TCF12: variants seen among roughly 807,000 people sequenced by gnomAD.
TCF12 encodes DNA-binding protein HTF4.
A neutral mutation model predicts 86.0 loss-of-function variants in TCF12; 45 were observed. The ratio of observed to expected loss-of-function variants is 0.52; its 90% CI spans 0.41 to 0.67. The LOEUF (loss-of-function observed/expected upper bound fraction) is 0.67, where lower values mean the gene tolerates loss of function less well. Ranked by LOEUF, TCF12 falls within the 30% of genes least tolerant of loss-of-function variation. The pLI is 0.00. For missense variants in TCF12, 881 were observed against 859.9 expected, an observed-to-expected ratio of 1.02 and a Z score of -0.31; for synonymous variants, 330 against 299.6, an observed-to-expected ratio of 1.10 and a Z score of -1.05.
Position 57,273,156 on chromosome 15 carries a change from T to C in TCF12, c.1872T>C (p.Leu624=). ...VRDINEAFKE[L]GRMCQLHLKS... is the part of the protein sequence containing the mutation. ...ATATTAATGAAGCATTCAAAGAGCT[T>C]GGCCGAATGTGTCAGCTTCACTTGA... is the stretch of plus-strand genomic sequence containing the variant. Residue 624 remains leucine, a synonymous_variant, in exon 19 of 21, where the codon CTT becomes CTC. Transcript: ENST00000333725. 2.5e-6 allele frequency: 4 copies of C among 1,614,220 alleles called. No homozygotes were observed. The highest frequency in any genetic ancestry group is 3.4e-6 in the Non-Finnish European group (4 of 1,180,040).
intron 5 of TCF12, among the ~76,000 whole-genome samples, chr15:57,105,901 A>G (rs777074641): frequency 6.6e-6 from 1 of 152,222 alleles, no homozygotes; most frequent in Non-Finnish European, 1.5e-5. Flanking sequence ...TATGTTCGTT[A>G]TAAGGGGTAT....
In TCF12 at chr15:57,054,777, T is replaced by C. The variant is rs1474473211; in HGVS notation, c.149-8973T>C. On this transcript the variant is annotated intron_variant, in intron 3 of 20. Transcript: ENST00000333725. ...GGCTTTTTTGCAATGCCTCTGCTTT[T>C]TTTTTTTTTTTTTTTTTTTTTTTTT... Among the ~76,000 whole-genome samples the C allele has an allele frequency of 3.3e-5, 4 of 121,226 alleles. No homozygotes were observed. In the Admixed American group the frequency reaches 3.8e-4, roughly 12 times the overall value. 79.5% of individuals were successfully genotyped at this position (121,226 alleles called of 152,430 possible).
intron 6 of TCF12, among the ~76,000 whole-genome samples, chr15:57,166,706 G>A (rs1329087416): frequency 2.0e-5 from 3 of 152,090 alleles, no homozygotes; most frequent in African/African-American, 7.2e-5. Flanking sequence ...CAAAGCTACC[G>A]CTTTCCAAAA....
At chr15:56,993,920 A>G (rs1009483723) in intron 3 of TCF12, among the ~76,000 whole-genome samples, 1 of 152,260 alleles carries the variant, frequency 6.6e-6, no homozygotes, top group African/African-American at 2.4e-5. Flanking sequence ...GGTGATCAAC[A>G]TATACCATCA....
chr15:56,968,104 G>A (rs1395270480), intron 3 of TCF12, among the ~76,000 whole-genome samples: 1 of 151,964 alleles, frequency 6.6e-6, no homozygotes, highest in African/African-American at 2.4e-5. Flanking sequence ...TTACAGGCAT[G>A]TGCCACAACG....
chr15:56,969,070 G>A (rs774973004), intron 3 of TCF12, among the ~76,000 whole-genome samples: 5 of 152,206 alleles, frequency 3.3e-5, no homozygotes, highest in African/African-American at 4.8e-5. Context: ...GCCTCAGAGG[G>A]ATGACTGTGT....
intron 16 of TCF12, among the ~76,000 whole-genome samples, chr15:57,255,602 G>A (rs1288243920): frequency 6.6e-6 from 1 of 152,062 alleles, no homozygotes. Flanking sequence ...TCCTGCCTCA[G>A]CCTCCCGAAT....
At chr15:57,279,059 A>G (rs1250076158) in intron 19 of TCF12, among the ~76,000 whole-genome samples, 10 of 150,540 alleles carry the variant, frequency 6.6e-5, no homozygotes, top group African/African-American at 2.4e-4. Context: ...CAGTGGCACA[A>G]TCATGGCTCA....
chr15:57,007,894 CT>C (rs530949817), intron 3 of TCF12, among the ~76,000 whole-genome samples: 2 of 91,816 alleles, frequency 2.2e-5, no homozygotes, highest in African/African-American at 8.6e-5. Context: ...TCCTTCCTTC[CT>C]TCCTTCCTTC....
chr15:57,087,280 T>A (rs1306910141), intron 4 of TCF12, among the ~76,000 whole-genome samples: 2 of 151,684 alleles, frequency 1.3e-5, no homozygotes, highest in African/African-American at 2.4e-5. Context: ...GTCGTGGTGG[T>A]GTGTGCCTGT....
intron 7 of TCF12, among the ~76,000 whole-genome samples, chr15:57,196,648 A>G (rs935550699): frequency 2.0e-5 from 3 of 152,232 alleles, no homozygotes; most frequent in African/African-American, 2.4e-5. Context: ...TATATTTTAC[A>G]TATAAGTAAA....
chr15:57,235,989 C>A (rs1338668037), intron 12 of TCF12, among the ~76,000 whole-genome samples: 1 of 152,090 alleles, frequency 6.6e-6, no homozygotes, highest in African/African-American at 2.4e-5. Flanking sequence ...CCAAATTCAC[C>A]GTGAATGGAA....
At chr15:57,009,912 A>G (rs549044997) in intron 3 of TCF12, among the ~76,000 whole-genome samples, 72 of 152,322 alleles carry the variant, frequency 4.7e-4, no homozygotes, top group African/African-American at 1.6e-3. Context: ...TGTTTTATGG[A>G]TGAAATAAGG....
intron 3 of TCF12, among the ~76,000 whole-genome samples, chr15:56,922,026 G>A (rs1162153785): frequency 6.6e-6 from 1 of 151,894 alleles, no homozygotes; most frequent in African/African-American, 2.4e-5. Flanking sequence ...GTAAAGACTA[G>A]TATTATTCTT....
chr15:57,072,083 G>A (rs1294753118), intron 4 of TCF12, among the ~76,000 whole-genome samples: 1 of 152,168 alleles, frequency 6.6e-6, no homozygotes, highest in Non-Finnish European at 1.5e-5. Flanking sequence ...TGGATCCAAG[G>A]TGAAAGAGTG....
intron 3 of TCF12, among the ~76,000 whole-genome samples, chr15:57,044,434 T>A (rs774712984): frequency 3.3e-5 from 5 of 152,166 alleles, no homozygotes; most frequent in Admixed American, 6.5e-5. Flanking sequence ...TTAAGTGAAG[T>A]TACTTATATT....
chr15:57,211,354 C>T (rs2058093390), intron 8 of TCF12, among the ~76,000 whole-genome samples: 1 of 151,928 alleles, frequency 6.6e-6, no homozygotes, highest in Non-Finnish European at 1.5e-5. Context: ...TGCTTGAGCC[C>T]AAGAGTTCAA....
chr15:57,281,402 C>T (rs1430013014), intron 19 of TCF12, among the ~76,000 whole-genome samples: 1 of 152,204 alleles, frequency 6.6e-6, no homozygotes, highest in Non-Finnish European at 1.5e-5. Context: ...AGATGTGCTC[C>T]ACCTATCTAT....
chr15:57,081,835 C>G (rs2048336284), intron 4 of TCF12, among the ~76,000 whole-genome samples: 1 of 152,128 alleles, frequency 6.6e-6, no homozygotes, highest in Non-Finnish European at 1.5e-5. Flanking sequence ...TCCTAAAGTG[C>G]TGAGATTATA....
Sources: gnomAD v4.1 joint callset for allele counts (sites outside exome capture counted in the v4.1 genomes callset) on GRCh38, gnomAD v4.1.1 for gene constraint, MANE v1.5 for transcripts, NCBI Gene and HGNC (gene_info 2026-07-23, HGNC 2026-07-21) for gene names.